CPNE4: variants seen among roughly 807,000 people sequenced by gnomAD.
CPNE4 encodes the protein copine-4.
In CPNE4, 25 loss-of-function variants were observed where a neutral mutation model predicts 67.9. That is an observed-to-expected ratio of 0.37 (90% CI 0.27 to 0.51). The LOEUF is 0.51. Ranked by LOEUF, CPNE4 falls within the 20% of genes least tolerant of loss-of-function variation. The pLI, the probability that CPNE4 is intolerant of heterozygous loss-of-function variation, is 0.93. For missense variants in CPNE4, 464 were observed against 690.8 expected, an observed-to-expected ratio of 0.67 and a Z score of 3.68; for synonymous variants, 242 against 244.9, an observed-to-expected ratio of 0.99 and a Z score of 0.11.
chr3:131,650,913 C>T (rs999184153), intron 7 of CPNE4, among the ~76,000 whole-genome samples: 28 of 152,120 alleles, frequency 1.8e-4, no homozygotes, highest in Admixed American at 4.6e-4. Context: ...CCATTTCAAA[C>T]CACATCTCTT....
chr3:131,874,410 T>G (rs2087353256), intron 2 of CPNE4, among the ~76,000 whole-genome samples: 1 of 152,056 alleles, frequency 6.6e-6, no homozygotes, highest in Non-Finnish European at 1.5e-5. Flanking sequence ...TTGACAAATA[T>G]TTAGTGAGCA....
intron 7 of CPNE4, among the ~76,000 whole-genome samples, chr3:131,616,101 T>G (rs1289311482): frequency 6.6e-6 from 1 of 152,166 alleles, no homozygotes; most frequent in Non-Finnish European, 1.5e-5. Context: ...AACCAAGCTG[T>G]ACATTGACCA....
At chr3:131,889,969 C>T (rs2088041247) in intron 2 of CPNE4, among the ~76,000 whole-genome samples, 1 of 151,968 alleles carries the variant, frequency 6.6e-6, no homozygotes, top group African/African-American at 2.4e-5. Flanking sequence ...AAACATAAGA[C>T]CTGAAACTGA....
In CPNE4 at chr3:131,906,457, A is replaced by C. The variant is rs557370255; in HGVS notation, c.-1-1013T>G. On this transcript the variant is annotated intron_variant, in intron 1 of 15. Transcript: ENST00000429747. Reference sequence around the variant, plus strand: ...GTATGATGTTGCCCTTCCTGTGTCCATGTGTTCTCATTGTTCAGTTCCCAC... The same window carrying C: ...GTATGATGTTGCCCTTCCTGTGTCCCTGTGTTCTCATTGTTCAGTTCCCAC... Among the ~76,000 whole-genome samples the C allele has an allele frequency of 5.2e-4, 64 of 124,262 alleles. 1 individual carries two copies. In the South Asian group the frequency reaches 0.016, roughly 31 times the overall value. 81.5% of individuals were successfully genotyped at this position (124,262 alleles called of 152,430 possible).
intron 2 of CPNE4, among the ~76,000 whole-genome samples, chr3:131,836,655 C>G (rs779005086): frequency 6.6e-6 from 1 of 152,082 alleles, no homozygotes; most frequent in Admixed American, 6.5e-5. Context: ...TCTGCATGAC[C>G]AAGGATTAGG....
chr3:132,006,040 G>C (rs1455362865), intron 1 of CPNE4, among the ~76,000 whole-genome samples: 1 of 152,102 alleles, frequency 6.6e-6, no homozygotes, highest in Non-Finnish European at 1.5e-5. Context: ...AGTTCTGTGA[G>C]AATATAACAT....
intron 1 of CPNE4, among the ~76,000 whole-genome samples, chr3:131,972,775 A>G (rs1429809847): frequency 6.6e-6 from 1 of 152,116 alleles, no homozygotes; most frequent in Non-Finnish European, 1.5e-5. Flanking sequence ...GACCTCAGGC[A>G]AGCTACTCAT....
chr3:131,566,539 G>A (rs1338345471), intron 10 of CPNE4, among the ~76,000 whole-genome samples: 1 of 151,922 alleles, frequency 6.6e-6, no homozygotes, highest in East Asian at 1.9e-4. Context: ...CAAGAAGGAG[G>A]TGAAGAGCAC....
At chr3:131,575,706 G>T (rs1033705783) in intron 9 of CPNE4, among the ~76,000 whole-genome samples, 2 of 152,082 alleles carry the variant, frequency 1.3e-5, no homozygotes, top group Non-Finnish European at 2.9e-5. Context: ...ATCCTATGAA[G>T]GTGGCACAAC....
intron 1 of CPNE4, among the ~76,000 whole-genome samples, chr3:131,953,622 T>C (rs555006321): frequency 1.5e-4 from 23 of 152,304 alleles, no homozygotes; most frequent in African/African-American, 5.5e-4. Flanking sequence ...AGAAGTGAAG[T>C]TCATTATGTT....
intron 2 of CPNE4, among the ~76,000 whole-genome samples, chr3:131,901,088 C>T (rs901975635): frequency 6.6e-6 from 1 of 152,110 alleles, no homozygotes; most frequent in Non-Finnish European, 1.5e-5. Context: ...AAGGGCCACA[C>T]ACTCACGAGC....
chr3:131,948,047 CTTT>C (rs2071611441), intron 1 of CPNE4, among the ~76,000 whole-genome samples: 1 of 92,896 alleles, frequency 1.1e-5, no homozygotes, highest in South Asian at 3.4e-4. Flanking sequence ...TTTAGGTCTT[CTTT>C]AATTTCTTTC....
chr3:131,979,483 G>T (rs2072846595), intron 1 of CPNE4, among the ~76,000 whole-genome samples: 1 of 142,038 alleles, frequency 7.0e-6, no homozygotes, highest in Non-Finnish European at 1.5e-5. Context: ...AGTTTGTTTT[G>T]TCTGATAAAA....
chr3:131,752,080 T>C (rs1430767844), intron 2 of CPNE4, among the ~76,000 whole-genome samples: 1 of 152,170 alleles, frequency 6.6e-6, no homozygotes, highest in Non-Finnish European at 1.5e-5. Context: ...TGTTACTACC[T>C]GTTAGGAGTG....
chr3:131,776,586 C>T (rs1331333198), intron 2 of CPNE4, among the ~76,000 whole-genome samples: 1 of 152,130 alleles, frequency 6.6e-6, no homozygotes, highest in Non-Finnish European at 1.5e-5. Context: ...AACTGATGTA[C>T]TGAGGCCAAG....
rs763657170 is a variant in CPNE4 at position 131,717,898 on chromosome 3, C to CT, written c.360+5547dup. ...CTTTTCTTTCTTTCTTTCTTTCTTT[C>CT]TTTCTTTCTTTCTTTCTTTCTTTCT... On this transcript the variant is annotated intron_variant, in intron 3 of 15. Transcript: ENST00000429747. 4.1e-4 allele frequency among the ~76,000 whole-genome samples: 45 copies of CT among 110,046 alleles called. 1 individual carries two copies. The highest frequency in any genetic ancestry group is 1.1e-3 in the African/African-American group (36 of 32,462). The allele number at this position is 110,046 out of a possible 152,430, so 72.2% of individuals were successfully genotyped here. A position where few individuals can be genotyped will look rare whatever the true frequency, so the allele number is the denominator to read the frequency against.
intron 1 of CPNE4, among the ~76,000 whole-genome samples, chr3:131,981,830 C>G (rs1358577916): frequency 2.6e-5 from 4 of 152,298 alleles, no homozygotes; most frequent in Admixed American, 2.6e-4. Flanking sequence ...AAGTCGGAAA[C>G]TTCTCCCACA....
chr3:131,757,052 A>T (rs2082768287), intron 2 of CPNE4, among the ~76,000 whole-genome samples: 1 of 152,148 alleles, frequency 6.6e-6, no homozygotes, highest in East Asian at 1.9e-4. Context: ...TTTTCTTCCC[A>T]GTCTCAGATA....
chr3:131,657,843 C>T (rs1029633133), intron 7 of CPNE4, among the ~76,000 whole-genome samples: 10 of 151,808 alleles, frequency 6.6e-5, no homozygotes, highest in Non-Finnish European at 8.8e-5. Context: ...GGATTACAGG[C>T]GTGAGATACC....
Sources: allele counts gnomAD v4.1 joint callset (sites outside exome capture counted in the v4.1 genomes callset), GRCh38; gene constraint gnomAD v4.1.1; transcripts MANE v1.5; gene names NCBI Gene and HGNC (gene_info 2026-07-23, HGNC 2026-07-21).